Variants in IFT74 observed in about 807,000 individuals in gnomAD.
The protein encoded by IFT74 is intraflagellar transport 74.
In IFT74, 92 loss-of-function variants were observed where a neutral mutation model predicts 96.7. The observed-to-expected ratio is 0.95, with a 90% CI of 0.80 to 1.13. The LOEUF is 1.13. Ranked by LOEUF, IFT74 falls within the 50% of genes most tolerant of loss-of-function variation. The pLI, the probability that IFT74 is intolerant of heterozygous loss-of-function variation, is 0.00. For synonymous variants in IFT74, 223 were observed against 213.2 expected, an observed-to-expected ratio of 1.05 and a Z score of -0.40; for missense variants, 811 against 698.2, an observed-to-expected ratio of 1.16 and a Z score of -1.82.
intron 13 of IFT74, among the ~76,000 whole-genome samples, chr9:27,038,081 AGT>A (rs1415667984): frequency 6.6e-6 from 1 of 152,148 alleles, no homozygotes; most frequent in African/African-American, 2.4e-5. Flanking sequence ...CCTTGACTAC[AGT>A]GTCATGGATT....
intron 10 of IFT74, among the ~76,000 whole-genome samples, chr9:27,016,510 A>G (rs752025178): frequency 1.1e-4 from 17 of 152,242 alleles, no homozygotes; most frequent in Non-Finnish European, 2.4e-4. Flanking sequence ...AATATATGTT[A>G]TGACCTATTT....
intron 8 of IFT74, among the ~76,000 whole-genome samples, chr9:26,996,883 A>G (rs74526159): frequency 2.6e-5 from 4 of 152,184 alleles, no homozygotes; most frequent in Non-Finnish European, 5.9e-5. Flanking sequence ...CTAACAATAC[A>G]TGAAATGACA....
At chr9:26,959,674 G>A (rs1216594372) in intron 1 of IFT74, among the ~76,000 whole-genome samples, 1 of 152,164 alleles carries the variant, frequency 6.6e-6, no homozygotes, top group Non-Finnish European at 1.5e-5. Context: ...GGGCAGGATG[G>A]ATGTAGAGAA....
chr9:27,011,982 C>G lies in IFT74; in HGVS notation c.789+14C>G. ...AGCCTGGAAGCAGTAAGTATAAAAT[C>G]AAATAAGGGTTCTCATACTACTCAG... is the stretch of plus-strand genomic sequence containing the variant. On this transcript the variant is annotated intron_variant, in intron 10 of 19. Coordinates refer to ENST00000380062, the MANE Select transcript of IFT74 (RefSeq NM_025103.4). The G allele has an allele frequency of 6.5e-7, 1 of 1,542,734 alleles. No homozygotes were observed. The highest frequency in any genetic ancestry group is 8.8e-7 in the Non-Finnish European group (1 of 1,138,078).
chr9:27,006,534 A>G (rs1361240031), intron 8 of IFT74, among the ~76,000 whole-genome samples: 1 of 151,796 alleles, frequency 6.6e-6, no homozygotes, highest in Non-Finnish European at 1.5e-5. Flanking sequence ...GAGTTTGAGC[A>G]TGCAGTGAGC....
At chr9:27,020,056 A>G (rs1232648399) in intron 12 of IFT74, among the ~76,000 whole-genome samples, 1 of 151,568 alleles carries the variant, frequency 6.6e-6, no homozygotes, top group African/African-American at 2.4e-5. Context: ...GCTCACTGCA[A>G]CCTCCACATC....
At chr9:27,058,378 T>TG (rs1361719013) in intron 18 of IFT74, among the ~76,000 whole-genome samples, 1 of 147,456 alleles carries the variant, frequency 6.8e-6, no homozygotes, top group Admixed American at 6.8e-5. Flanking sequence ...CATGAGCCAC[T>TG]GTGCTTAGCC....
chr9:26,954,311 G>A (rs559699735), upstream of IFT74, among the ~76,000 whole-genome samples: 4 of 152,266 alleles, frequency 2.6e-5, no homozygotes, highest in South Asian at 8.3e-4. Flanking sequence ...CAGTTATATC[G>A]TCTTGAACTT....
At chr9:26,997,611 G>C in intron 8 of IFT74, 1 of 1,097,372 alleles carries the variant, frequency 9.1e-7, no homozygotes, top group Non-Finnish European at 1.3e-6. Context: ...TGGGATTACA[G>C]GCATGAGCCA....
intron 17 of IFT74, 123 bp downstream of exon 17, chr9:27,055,895 GA>G (rs1434451358): frequency 1.3e-5 from 8 of 610,656 alleles, no homozygotes; most frequent in Admixed American, 4.2e-5. Flanking sequence ...ATATAAGTGA[GA>G]AAAAATAAAA....
chr9:26,972,711 T>A (rs1308543913), intron 2 of IFT74, among the ~76,000 whole-genome samples: 3 of 152,126 alleles, frequency 2.0e-5, no homozygotes, highest in Non-Finnish European at 4.4e-5. Flanking sequence ...ATTTTTTTGG[T>A]TCTTGCTTAG....
At chr9:26,972,792 T>C (rs1826935121) in intron 2 of IFT74, among the ~76,000 whole-genome samples, 1 of 152,200 alleles carries the variant, frequency 6.6e-6, no homozygotes. Context: ...CTGCACTTAT[T>C]AGGTGGCTTA....
In IFT74 at chr9:26,978,167, C is replaced by T. The variant is rs774492645; in HGVS notation, c.160C>T (p.Pro54Ser). 1 of 1,611,898 alleles carries T rather than the reference C, an allele frequency of 6.2e-7. No homozygotes were observed. The highest frequency in any genetic ancestry group is 1.1e-5 in the South Asian group (1 of 90,666). The stretch of plus-strand genomic sequence containing the variant: ...AGCAAGACCAGGTTCTCGTGGTTGT[C>T]CCATAGGGACTGGTGGAGTTCTGTC... The part of the protein sequence containing the change: ...GTARPGSRGC[P>S]IGTGGVLSSQ... Residue 54 changes from proline to serine, a missense_variant, in exon 3 of 20, where the codon CCC (proline) becomes TCC (serine). Physicochemically the swap from Pro to Ser is moderately conservative, Grantham distance 74. Coordinates refer to ENST00000380062, the MANE Select transcript of IFT74 (RefSeq NM_025103.4).
At chr9:27,029,702 C>T (rs933339623) in intron 13 of IFT74, among the ~76,000 whole-genome samples, 1 of 152,126 alleles carries the variant, frequency 6.6e-6, no homozygotes, top group African/African-American at 2.4e-5. Flanking sequence ...GAGTCAAGAT[C>T]GCACCACTGC....
chr9:27,006,487 C>G (rs1264355139), intron 8 of IFT74, among the ~76,000 whole-genome samples: 1 of 151,972 alleles, frequency 6.6e-6, no homozygotes, highest in Non-Finnish European at 1.5e-5. Flanking sequence ...TGCCTTTAGT[C>G]CCAGTTACCT....
At chr9:26,977,685 T>C (rs1419917963) in intron 2 of IFT74, among the ~76,000 whole-genome samples, 2 of 152,008 alleles carry the variant, frequency 1.3e-5, no homozygotes, top group African/African-American at 4.8e-5. Flanking sequence ...GATGGGGTTT[T>C]GCCATGTTGT....
upstream of IFT74, among the ~76,000 whole-genome samples, chr9:26,951,725 C>G (rs758650359): frequency 6.6e-6 from 1 of 152,066 alleles, no homozygotes; most frequent in Admixed American, 6.6e-5. Flanking sequence ...ACAGTGAAAC[C>G]CCGTCTCTAC....
chr9:27,050,701 C>G (rs1819882094), intron 16 of IFT74, among the ~76,000 whole-genome samples: 1 of 126,932 alleles, frequency 7.9e-6, no homozygotes, highest in African/African-American at 3.1e-5. Flanking sequence ...CACTTGGACA[C>G]AGGAAGGGGG....
chr9:26,978,552 T>C lies in IFT74; in HGVS notation c.256+289T>C, dbSNP rs10812506. Among the ~76,000 whole-genome samples the C allele has an allele frequency of 0.1, 15,569 of 152,192 alleles. 1,822 individuals are homozygous for C. The highest frequency in any genetic ancestry group is 0.65 in the East Asian group (3,372 of 5,160). ...TGAATTAGAAAGCTATATACAGATATGAGCTATTTCAGTCTTCATTTTTCT... is the reference window on the plus strand; with the variant it reads ...TGAATTAGAAAGCTATATACAGATACGAGCTATTTCAGTCTTCATTTTTCT... On this transcript the variant is annotated intron_variant, in intron 3 of 19. Coordinates refer to ENST00000380062, the MANE Select transcript of IFT74 (RefSeq NM_025103.4).
Sources: gnomAD v4.1 joint callset for allele counts (sites outside exome capture counted in the v4.1 genomes callset) on GRCh38, gnomAD v4.1.1 for gene constraint, MANE v1.5 for transcripts, NCBI Gene and HGNC (gene_info 2026-07-23, HGNC 2026-07-21) for gene names.